The following GMDS variants were observed in gnomAD, a reference collection of about 807,000 sequenced individuals.
The protein encoded by GMDS is GDP-mannose 4,6-dehydratase.
Under a neutral mutation model 49.9 loss-of-function variants are expected in GMDS, and 20 were observed. The observed-to-expected ratio is 0.40, with a 90% CI of 0.28 to 0.58. The LOEUF (loss-of-function observed/expected upper bound fraction) is 0.58. Ranked by LOEUF, GMDS falls within the 20% of genes least tolerant of loss-of-function variation. GMDS has a pLI of 0.42. For synonymous variants in GMDS, 177 were observed against 178.6 expected (o/e 0.99, Z 0.07); for missense variants, 362 against 481.4 (o/e 0.75, Z 2.32).
At chr6:1,930,349 C>T in intron 6 of GMDS, 119 bp from the exon 7 acceptor site, 1 of 670,040 alleles carries the variant, frequency 1.5e-6, no homozygotes, top group Admixed American at 2.7e-5. Context: ...CCCAGCCACC[C>T]TGTTAAAACA....
At chr6:2,230,930 T>TCCCCCCCCCCCCCCCCCC (rs797010185) in intron 1 of GMDS, among the ~76,000 whole-genome samples, 4 of 14,540 alleles carry the variant, frequency 2.8e-4, no homozygotes, top group African/African-American at 5.2e-4. Flanking sequence ...AGTATTCTCT[T>TCCCCCCCCCCCCCCCCCC]CCCCCCTCCC....
chr6:2,067,589 A>G (rs550069467), intron 4 of GMDS, among the ~76,000 whole-genome samples: 38 of 152,098 alleles, frequency 2.5e-4, no homozygotes, highest in Middle Eastern at 3.4e-3. Context: ...GGATATCACC[A>G]CCGATCCCAC....
chr6:2,101,738 A>T (rs1773939634), intron 4 of GMDS, among the ~76,000 whole-genome samples: 1 of 152,070 alleles, frequency 6.6e-6, no homozygotes, highest in South Asian at 2.1e-4. Context: ...TATTACACAA[A>T]TTTTTCCACT....
intron 1 of GMDS, among the ~76,000 whole-genome samples, chr6:2,161,300 C>A (rs1054038461): frequency 1.3e-5 from 2 of 152,232 alleles, no homozygotes; most frequent in African/African-American, 4.8e-5. Context: ...TGAGCCACCA[C>A]ACCCGGCCTA....
chr6:1,994,304 A>G (rs906006469), intron 4 of GMDS, among the ~76,000 whole-genome samples: 21 of 152,190 alleles, frequency 1.4e-4, no homozygotes, highest in Admixed American at 1.3e-3. Context: ...CATGATAGAA[A>G]GTTAGTATGT....
intron 1 of GMDS, among the ~76,000 whole-genome samples, chr6:2,242,178 A>C (rs993908567): frequency 9.9e-5 from 15 of 152,262 alleles, no homozygotes; most frequent in African/African-American, 2.2e-4. Flanking sequence ...TAAAAGGAAT[A>C]AGAATTGTGA....
intron 4 of GMDS, among the ~76,000 whole-genome samples, chr6:2,004,553 C>T (rs562335230): frequency 6.6e-6 from 1 of 152,306 alleles, no homozygotes; most frequent in Admixed American, 6.5e-5. Context: ...AGTCTGACAG[C>T]TCATAGTTGC....
chr6:1,724,462 C>A (rs1243834620), intron 9 of GMDS, among the ~76,000 whole-genome samples: 2 of 152,134 alleles, frequency 1.3e-5, no homozygotes, highest in Non-Finnish European at 2.9e-5. Flanking sequence ...CAATCCCACA[C>A]CTTGTCTAAG....
chr6:1,814,719 T>G (rs896576658), intron 7 of GMDS, among the ~76,000 whole-genome samples: 2 of 152,328 alleles, frequency 1.3e-5, no homozygotes, highest in South Asian at 4.1e-4. Context: ...ACTAAATCTT[T>G]AGATGCCATA....
At chr6:1,989,390 A>C (rs1052141856) in intron 4 of GMDS, among the ~76,000 whole-genome samples, 1 of 152,156 alleles carries the variant, frequency 6.6e-6, no homozygotes, top group African/African-American at 2.4e-5. Context: ...TCAGGGAAAA[A>C]AGAGAGAGAG....
chr6:1,719,644 A>AT (rs1291558301), intron 9 of GMDS, among the ~76,000 whole-genome samples: 2 of 149,180 alleles, frequency 1.3e-5, no homozygotes, highest in Non-Finnish European at 3.0e-5. Context: ...AGAGAGAGGG[A>AT]TTTTTTAGAT....
rs142781152 is a variant in GMDS at position 2,012,232 on chromosome 6, C to T, written c.346-51266G>A. Among the ~76,000 whole-genome samples, 391 of 151,954 alleles carry T rather than the reference C, an allele frequency of 2.6e-3. 1 individual carries two copies. The highest frequency in any genetic ancestry group is 8.7e-3 in the African/African-American group (362 of 41,412). On this transcript the variant is annotated intron_variant, in intron 4 of 10. Transcript: ENST00000380815. ...ACACAATATATCCACGGATCCAAAC[C>T]GCACTCACACCCCCTAAATTTATAG...
chr6:1,765,029 G>A (rs1049694744), intron 7 of GMDS, among the ~76,000 whole-genome samples: 3 of 151,816 alleles, frequency 2.0e-5, no homozygotes, highest in Non-Finnish European at 4.4e-5. Flanking sequence ...ACAGCTGTGG[G>A]CACATTTTTT....
intron 7 of GMDS, among the ~76,000 whole-genome samples, chr6:1,834,341 C>T (rs1756824457): frequency 6.6e-6 from 1 of 152,074 alleles, no homozygotes; most frequent in Non-Finnish European, 1.5e-5. Context: ...AGATCCAGAC[C>T]TACAATGTTG....
chr6:1,941,717 G>A lies in GMDS; in HGVS notation c.644-11487C>T, dbSNP rs578137979. Among the ~76,000 whole-genome samples the A allele has an allele frequency of 2.0e-5, 3 of 152,296 alleles. No individual in the cohort carries two copies. In the South Asian group the frequency reaches 6.2e-4, roughly 32 times the overall value. On this transcript the variant is annotated intron_variant, in intron 6 of 10. Coordinates refer to ENST00000380815, the MANE Select transcript of GMDS (RefSeq NM_001500.4). ...TGCATGCTGAGGGAAAGATCCTAGT[G>A]ATGACGGAGAAACTGATCCAGGAGA...
chr6:1,686,764 G>A (rs759374404), intron 9 of GMDS, among the ~76,000 whole-genome samples: 1 of 152,138 alleles, frequency 6.6e-6, no homozygotes, highest in Non-Finnish European at 1.5e-5. Flanking sequence ...CTGAAATTGA[G>A]CTGCCCAGGT....
At chr6:1,739,860 C>T (rs139813740) in intron 8 of GMDS, among the ~76,000 whole-genome samples, 4 of 152,336 alleles carry the variant, frequency 2.6e-5, no homozygotes, top group Middle Eastern at 3.4e-3. Context: ...TCCTGAAAAA[C>T]AGAAGAACTC....
chr6:2,062,710 C>T (rs1197387609), intron 4 of GMDS, among the ~76,000 whole-genome samples: 1 of 152,118 alleles, frequency 6.6e-6, no homozygotes, highest in Non-Finnish European at 1.5e-5. Context: ...ATGTCAATGC[C>T]TTGATTTTAT....
At chr6:2,103,654 A>G (rs1774053284) in intron 4 of GMDS, among the ~76,000 whole-genome samples, 1 of 152,234 alleles carries the variant, frequency 6.6e-6, no homozygotes, top group Non-Finnish European at 1.5e-5. Flanking sequence ...CTCAGTTTCT[A>G]CTAAATATGA....
Sources: gnomAD v4.1 joint callset for allele counts (sites outside exome capture counted in the v4.1 genomes callset) on GRCh38, gnomAD v4.1.1 for gene constraint, MANE v1.5 for transcripts, NCBI Gene and HGNC (gene_info 2026-07-23, HGNC 2026-07-21) for gene names.